The following RYR2 variants were observed in gnomAD, a reference collection of about 807,000 sequenced individuals.
RYR2 encodes the protein cardiac muscle ryanodine receptor-calcium release channel.
RYR2 carries 227 observed loss-of-function variants against 601.1 expected under a neutral mutation model. That is an observed-to-expected ratio of 0.38 (90% CI 0.34 to 0.42). The LOEUF (loss-of-function observed/expected upper bound fraction) is 0.42, where lower values mean the gene tolerates loss of function less well. Among genes scored for constraint, RYR2 ranks in the 10% least tolerant of loss-of-function variants. The pLI, the probability that RYR2 is intolerant of heterozygous loss-of-function variation, is 1.00. For synonymous variants in RYR2, 2,223 were observed against 2,175.1 expected (o/e 1.02, Z -0.61); for missense variants, 4,646 against 6,156.5 (o/e 0.75, Z 8.21).
intron 23 of RYR2, among the ~76,000 whole-genome samples, chr1:237,511,224 A>G (rs1665859403): frequency 6.6e-6 from 1 of 151,000 alleles, no homozygotes. Context: ...TGCATTTTTG[A>G]TCTTCTAATT....
rs763424835 is a variant in RYR2, at chr1:237,667,865, T to C, written c.8515-18T>C. On this transcript the variant is annotated intron_variant, in intron 57 of 104. Coordinates refer to ENST00000366574, the MANE Select transcript of RYR2 (RefSeq NM_001035.3). ...CTTTTTTACTTATTGAAACGATAAA[T>C]ATTTTTGTTCATTTAAGGCTATGGC... The C allele has an allele frequency of 1.3e-6, 2 of 1,542,022 alleles. No individual in the cohort carries two copies. Among genetic ancestry groups the C allele is most frequent in the South Asian group, 1.2e-5 (1 of 80,888 alleles).
chr1:237,606,579 A>G (rs943994381), intron 35 of RYR2, among the ~76,000 whole-genome samples: 24 of 152,236 alleles, frequency 1.6e-4, no homozygotes, highest in Non-Finnish European at 3.2e-4. Context: ...GGATCTAATT[A>G]AACTAAAGAG....
In RYR2 at chr1:237,530,456, G is replaced by C; in HGVS notation, c.2852G>C (p.Gly951Ala). ...TTGTTGGCATTAGGATGTCATGTGG[G>C]TATATCAGATGAACATGCTGAAGAC... ...KTLLALGCHV[G>A]ISDEHAEDKV... Residue 951 changes from glycine (G) to alanine (A), a missense_variant, in exon 25 of 105, where the codon GGT becomes GCT. Gly to Ala is a moderately conservative substitution (Grantham distance 60). Transcript: ENST00000366574. 1 of 1,609,308 alleles carries C rather than the reference G, an allele frequency of 6.2e-7. No individual in the cohort carries two copies. Among genetic ancestry groups the C allele is most frequent in the Non-Finnish European group, 8.5e-7 (1 of 1,177,764 alleles).
intron 3 of RYR2, among the ~76,000 whole-genome samples, chr1:237,342,491 C>T (rs561538346): frequency 6.6e-6 from 1 of 152,138 alleles, no homozygotes; most frequent in Admixed American, 6.6e-5. Flanking sequence ...GTCACACATT[C>T]TGAGAAGATA....
chr1:237,645,970 G>A (rs1373656568), intron 48 of RYR2, among the ~76,000 whole-genome samples: 6 of 148,980 alleles, frequency 4.0e-5, no homozygotes, highest in Admixed American at 6.7e-5. Flanking sequence ...TCCGCCTCCC[G>A]GGTTCACGCC....
intron 1 of RYR2, among the ~76,000 whole-genome samples, chr1:237,055,767 T>G (rs913466011): frequency 1.3e-5 from 2 of 152,194 alleles, no homozygotes; most frequent in Non-Finnish European, 2.9e-5. Flanking sequence ...AATGTGACCT[T>G]AATGGGAAAT....
chr1:237,779,481 C>T (rs1694926410), intron 88 of RYR2, among the ~76,000 whole-genome samples: 1 of 152,136 alleles, frequency 6.6e-6, no homozygotes, highest in Admixed American at 6.6e-5. Context: ...GCCAGGCGGT[C>T]AGGTAGAAGA....
At chr1:237,779,221 C>G (rs976380695) in intron 88 of RYR2, among the ~76,000 whole-genome samples, 7 of 152,244 alleles carry the variant, frequency 4.6e-5, no homozygotes, top group African/African-American at 1.2e-4. Flanking sequence ...TACCCCTAAC[C>G]AGTGTATTTA....
At chr1:237,725,248 G>A (rs1690095848) in intron 74 of RYR2, among the ~76,000 whole-genome samples, 1 of 152,100 alleles carries the variant, frequency 6.6e-6, no homozygotes, top group Admixed American at 6.6e-5. Context: ...AGAATATGGC[G>A]AGATTGGTTT....
chr1:237,520,067 T>C (rs953668372), intron 24 of RYR2, among the ~76,000 whole-genome samples: 27 of 152,198 alleles, frequency 1.8e-4, no homozygotes, highest in African/African-American at 6.3e-4. Flanking sequence ...TTTATGTGGA[T>C]ATTGTAAATA....
chr1:237,073,103 TTA>T (rs1266340417), intron 1 of RYR2, among the ~76,000 whole-genome samples: 3 of 152,078 alleles, frequency 2.0e-5, no homozygotes, highest in African/African-American at 7.2e-5. Context: ...AAGAGGATTG[TTA>T]TAAGGAGTTA....
At chr1:237,446,135 G>A (rs932605259) in intron 14 of RYR2, among the ~76,000 whole-genome samples, 1 of 152,070 alleles carries the variant, frequency 6.6e-6, no homozygotes, top group Non-Finnish European at 1.5e-5. Flanking sequence ...TTCAATGAGG[G>A]CAGTGAAGCC....
intron 1 of RYR2, among the ~76,000 whole-genome samples, chr1:237,074,737 G>A (rs1272794791): frequency 6.6e-6 from 1 of 152,144 alleles, no homozygotes; most frequent in African/African-American, 2.4e-5. Flanking sequence ...AGTCTGTCTT[G>A]TGCCTGGACA....
chr1:237,160,602 T>C (rs1675898803), intron 1 of RYR2, among the ~76,000 whole-genome samples: 1 of 152,128 alleles, frequency 6.6e-6, no homozygotes, highest in Admixed American at 6.5e-5. Context: ...CCTGGGTGTC[T>C]GAGTGTATAT....
At chr1:237,047,387 G>GC (rs1192976779) in intron 1 of RYR2, among the ~76,000 whole-genome samples, 1 of 102,348 alleles carries the variant, frequency 9.8e-6, no homozygotes, top group Admixed American at 1.1e-4. Context: ...ATCCTTTCTA[G>GC]CCTTTTTTTT....
chr1:237,163,355 A>ACCCCCCCCCCCC (rs67343728), intron 1 of RYR2, among the ~76,000 whole-genome samples: 22 of 90,304 alleles, frequency 2.4e-4, no homozygotes, highest in African/African-American at 5.9e-4. Context: ...CCAACCCCCT[A>ACCCCCCCCCCCC]CCCCCCCCAC....
intron 1 of RYR2, among the ~76,000 whole-genome samples, chr1:237,257,126 T>C (rs1688070417): frequency 6.6e-6 from 1 of 152,212 alleles, no homozygotes; most frequent in Non-Finnish European, 1.5e-5. Flanking sequence ...ACTTTGTCTT[T>C]TAATGCAGTG....
At chr1:237,738,752 C>T (rs1294860532) in intron 79 of RYR2, among the ~76,000 whole-genome samples, 2 of 151,844 alleles carry the variant, frequency 1.3e-5, no homozygotes, top group African/African-American at 4.8e-5. Context: ...TTACCTTTTT[C>T]GTTGATAGAC....
Position 237,591,778 on chromosome 1 carries a change from C to G in RYR2, c.4200C>G (p.Ser1400Arg), listed in dbSNP as rs1258284656. Residue 1400 changes from serine to arginine, a missense_variant, in exon 32 of 105, where the codon AGC (serine) becomes AGG (arginine). Physicochemically the swap from Ser to Arg is moderately radical, Grantham distance 110. Transcript: ENST00000366574. ...LRRTKPDYST[S>R]HSARLTEDVL... ...GAACAAAGCCAGATTACAGCACAAG[C>G]CATTCTGCAAGACTCACCGAAGATG... 1 of 1,613,644 alleles carries G rather than the reference C, an allele frequency of 6.2e-7. No homozygotes were observed. Among genetic ancestry groups the G allele is most frequent in the Admixed American group, 1.7e-5 (1 of 59,986 alleles).
Sources: gnomAD v4.1 joint callset for allele counts (sites outside exome capture counted in the v4.1 genomes callset) on GRCh38, gnomAD v4.1.1 for gene constraint, MANE v1.5 for transcripts, NCBI Gene and HGNC (gene_info 2026-07-23, HGNC 2026-07-21) for gene names.